Variants in PER3 observed in about 807,000 individuals in gnomAD.
PER3 encodes the protein period circadian protein homolog 3.
Under a neutral mutation model 127.2 loss-of-function variants are expected in PER3, and 107 were observed. That is an observed-to-expected ratio of 0.84 (90% CI 0.72 to 0.99). PER3 has a LOEUF of 0.99. PER3 is among the 50% of genes least tolerant of loss of function. The pLI is 0.00. For synonymous variants in PER3, 618 were observed against 585.8 expected, an observed-to-expected ratio of 1.05 and a Z score of -0.79; for missense variants, 1,560 against 1,525.8, an observed-to-expected ratio of 1.02 and a Z score of -0.37.
chr1:7,794,683 A>T (rs2097137143), intron 6 of PER3, among the ~76,000 whole-genome samples: 1 of 152,028 alleles, frequency 6.6e-6, no homozygotes, highest in Admixed American at 6.5e-5. Context: ...TAATAGCTTT[A>T]AAGAAAGCAA....
chr1:7,790,743 C>CAATAGACGT (rs1461241417), intron 5 of PER3, among the ~76,000 whole-genome samples: 1 of 152,172 alleles, frequency 6.6e-6, no homozygotes, highest in East Asian at 1.9e-4. Flanking sequence ...CTCCTAGGTA[C>CAATAGACGT]AATAGACGTA....
At chr1:7,817,197 T>C (rs2097255390) in intron 13 of PER3, among the ~76,000 whole-genome samples, 1 of 152,216 alleles carries the variant, frequency 6.6e-6, no homozygotes, top group Admixed American at 6.5e-5. Flanking sequence ...AGGACATTTT[T>C]AAGTCATGGA....
intron 5 of PER3, among the ~76,000 whole-genome samples, chr1:7,789,609 C>T (rs2097109572): frequency 1.3e-5 from 2 of 152,188 alleles, no homozygotes; most frequent in Non-Finnish European, 2.9e-5. Flanking sequence ...GGACCTAATA[C>T]ACCATCTTAA....
At chr1:7,836,409 C>A (rs2097358707) in intron 20 of PER3, among the ~76,000 whole-genome samples, 3 of 152,172 alleles carry the variant, frequency 2.0e-5, no homozygotes, top group Admixed American at 6.5e-5. Context: ...GAACTCCTGG[C>A]CTCAGGTGAT....
chr1:7,795,669 A>C (rs566694096), intron 6 of PER3, among the ~76,000 whole-genome samples: 2 of 152,262 alleles, frequency 1.3e-5, no homozygotes, highest in African/African-American at 4.8e-5. Flanking sequence ...GGATGGAAGA[A>C]GACGGGAAAG....
chr1:7,824,697 CT>C (rs2097293250), intron 16 of PER3, among the ~76,000 whole-genome samples: 1 of 152,108 alleles, frequency 6.6e-6, no homozygotes, highest in African/African-American at 2.4e-5. Flanking sequence ...TCAGGCTTTG[CT>C]TTTTAAATTT....
intron 5 of PER3, among the ~76,000 whole-genome samples, chr1:7,793,334 G>A (rs1464622572): frequency 6.6e-6 from 1 of 152,160 alleles, no homozygotes; most frequent in Non-Finnish European, 1.5e-5. Flanking sequence ...AATAAAATGG[G>A]TGCAGAAATC....
Position 7,803,689 on chromosome 1 carries a change from T to G in PER3, c.980-3T>G, listed in dbSNP as rs768704848. 6.4e-7 allele frequency: 1 copy of G among 1,562,398 alleles called. No homozygotes were observed. Among genetic ancestry groups the G allele is most frequent in the Non-Finnish European group, 8.8e-7 (1 of 1,139,438 alleles). The stretch of plus-strand genomic sequence containing the variant: ...CCTATTTTTGTCTTATTATTTTATA[T>G]AGTTTTGAAGTATGCAGGGCATCCT... On this transcript the variant is annotated splice_region_variant and splice_polypyrimidine_tract_variant and intron_variant, in intron 9 of 21. Transcript: ENST00000377532.
Position 7,820,483 on chromosome 1 carries a change from A to G in PER3, c.1800A>G (p.Pro600=), listed in dbSNP as rs1558446213. 1 of 1,611,526 alleles carries G rather than the reference A, an allele frequency of 6.2e-7. No homozygotes were observed. Among genetic ancestry groups the G allele is most frequent in the Non-Finnish European group, 8.5e-7 (1 of 1,179,086 alleles). ...VQALQAGLQI[P]AIPKSEMPTN... ...CACCACCAGCTGGTTTGCAAATCCC[A>G]GCCATACCTAAATCAGAAATGCCAA... Residue 600 remains proline (P), a synonymous_variant, in exon 16 of 22, where the codon CCA becomes CCG. Coordinates refer to ENST00000377532, the MANE Select transcript of PER3 (RefSeq NM_001377275.1).
At position 7,842,699 on chromosome 1, in the gene PER3, T is replaced by G; in HGVS notation, c.3577T>G (p.Ser1193Ala). The G allele has an allele frequency of 1.2e-6, 2 of 1,613,568 alleles. No individual in the cohort carries two copies. Among genetic ancestry groups the G allele is most frequent in the Non-Finnish European group, 1.7e-6 (2 of 1,179,630 alleles). The change falls in exon 22 of 22, where the codon TCA becomes GCA. Residue 1193 changes from serine to alanine, a missense_variant. Physicochemically the swap from Ser to Ala is moderately conservative, Grantham distance 99. Transcript: ENST00000377532. ...QACVTCENED[S>A]ADGAATSCGQ... ...CTGTGTCACTTGTGAAAATGAAGAT[T>G]CAGCTGATGGTGCGGCCACATCCTG...
At chr1:7,791,491 C>A (rs182168813) in intron 5 of PER3, among the ~76,000 whole-genome samples, 1 of 152,314 alleles carries the variant, frequency 6.6e-6, no homozygotes, top group African/African-American at 2.4e-5. Context: ...TCTCGTAGGC[C>A]TCAGCCTGTG....
intron 9 of PER3, among the ~76,000 whole-genome samples, 194 bp from the exon 10 acceptor site, chr1:7,803,498 G>T (rs1000675638): frequency 1.3e-5 from 2 of 151,786 alleles, no homozygotes; most frequent in African/African-American, 4.9e-5. Context: ...TGAGGCACAA[G>T]AACTGCTTGA....
intron 21 of PER3, among the ~76,000 whole-genome samples, chr1:7,840,152 C>G (rs755951910): frequency 2.0e-5 from 3 of 151,950 alleles, no homozygotes; most frequent in Non-Finnish European, 4.4e-5. Flanking sequence ...CTGCTTAGAT[C>G]GGCTTTTGAA....
chr1:7,833,259 T>C (rs1236690759), intron 19 of PER3, among the ~76,000 whole-genome samples: 1 of 152,240 alleles, frequency 6.6e-6, no homozygotes, highest in Non-Finnish European at 1.5e-5. Flanking sequence ...TGTTGAGTCA[T>C]GTGTTCTGTA....
At chr1:7,786,038 C>T (rs1429866460) in intron 3 of PER3, among the ~76,000 whole-genome samples, 1 of 152,142 alleles carries the variant, frequency 6.6e-6, no homozygotes, top group Non-Finnish European at 1.5e-5. Context: ...GGGCAGATCA[C>T]GAGGTCAGGA....
chr1:7,785,904 G>A (rs1041442300), intron 3 of PER3, among the ~76,000 whole-genome samples: 3 of 152,130 alleles, frequency 2.0e-5, no homozygotes, highest in Non-Finnish European at 2.9e-5. Context: ...TGGAAGTTAT[G>A]GGAAAAAAAT....
chr1:7,816,294 C>G (rs1427527200), intron 13 of PER3, among the ~76,000 whole-genome samples: 1 of 151,976 alleles, frequency 6.6e-6, no homozygotes, highest in Non-Finnish European at 1.5e-5. Flanking sequence ...TTTAGCCATA[C>G]TGAACAAAAG....
chr1:7,836,013 T>C, intron 20 of PER3, 68 bp downstream of exon 20: 1 of 1,156,710 alleles, frequency 8.6e-7, no homozygotes, highest in Admixed American at 2.3e-5. Flanking sequence ...TTTTTTCTTT[T>C]TTGAGACGGA....
intron 8 of PER3, among the ~76,000 whole-genome samples, 187 bp downstream of exon 8, chr1:7,801,378 A>G (rs1392959899): frequency 6.6e-6 from 1 of 152,218 alleles, no homozygotes; most frequent in Non-Finnish European, 1.5e-5. Flanking sequence ...CATATTATAA[A>G]GTGATTACAA....
Sources: gnomAD v4.1 joint callset for allele counts (sites outside exome capture counted in the v4.1 genomes callset) on GRCh38, gnomAD v4.1.1 for gene constraint, MANE v1.5 for transcripts, NCBI Gene and HGNC (gene_info 2026-07-23, HGNC 2026-07-21) for gene names.